Variants in PCDHGA5 observed in about 807,000 individuals in gnomAD.
PCDHGA5 encodes the protein protocadherin gamma subfamily A, 5.
Under a neutral mutation model 56.7 loss-of-function variants are expected in PCDHGA5, and 36 were observed. That is an observed-to-expected ratio of 0.64 (90% CI 0.49 to 0.84). The LOEUF (loss-of-function observed/expected upper bound fraction) is 0.84, where lower values mean the gene tolerates loss of function less well. Ranked by LOEUF, PCDHGA5 falls within the 40% of genes least tolerant of loss-of-function variation. The pLI is 0.00. For synonymous variants in PCDHGA5, 563 were observed against 520.2 expected, an observed-to-expected ratio of 1.08 and a Z score of -1.12; for missense variants, 1,305 against 1,201.5, an observed-to-expected ratio of 1.09 and a Z score of -1.27.
At chr5:141,488,932 A>G (rs2233598) in intron 1 of PCDHGA5, among the ~76,000 whole-genome samples, 31,368 of 152,090 alleles carry the variant, frequency 0.21, 3,372 homozygotes, top group Admixed American at 0.31. Flanking sequence ...GGATTGAGGA[A>G]ACTCCATAAT....
intron 1 of PCDHGA5, chr5:141,413,354 C>T: frequency 6.2e-7 from 1 of 1,613,974 alleles, no homozygotes; most frequent in South Asian, 1.1e-5. Flanking sequence ...GGTCTGGCGC[C>T]CCGGGAGCTG....
chr5:141,423,201 C>G, intron 1 of PCDHGA5: 1 of 1,613,628 alleles, frequency 6.2e-7, no homozygotes, highest in Non-Finnish European at 8.5e-7. Context: ...TCTCGGCCAC[C>G]GTCACGCTCA....
chr5:141,500,493 G>A (rs1239876467), intron 2 of PCDHGA5, among the ~76,000 whole-genome samples: 1 of 152,166 alleles, frequency 6.6e-6, no homozygotes, highest in Admixed American at 6.5e-5. Context: ...ACAGGCGTGA[G>A]CCACCGCGCC....
At chr5:141,413,993 G>A (rs756042576) in intron 1 of PCDHGA5, 2 of 1,613,486 alleles carry the variant, frequency 1.2e-6, no homozygotes, top group Non-Finnish European at 1.7e-6. Context: ...GCCACCGACA[G>A]GGACGAAGGT....
At chr5:141,437,589 T>C (rs929281293) in intron 1 of PCDHGA5, among the ~76,000 whole-genome samples, 10 of 152,306 alleles carry the variant, frequency 6.6e-5, no homozygotes, top group African/African-American at 2.2e-4. Flanking sequence ...ATGAATTGGA[T>C]AGTTCTGGTG....
Position 141,364,373 on chromosome 5 carries a change from CTGCCCT to C in PCDHGA5, c.45_50del (p.Pro16_Phe17del). ...GGGCTGGGGCTGCGGAGAGCTGCTG[CTGCCCT>C]TCATGCTCCTGGGGACGCTGTGCGA... is the stretch of plus-strand genomic sequence containing the variant. On this transcript the variant is annotated inframe_deletion, in exon 1 of 4. Transcript: ENST00000518069. 6.4e-7 allele frequency: 1 copy of C among 1,572,690 alleles called. No homozygotes were observed. Among genetic ancestry groups the C allele is most frequent in the South Asian group, 1.2e-5 (1 of 84,238 alleles).
intron 1 of PCDHGA5, chr5:141,399,778 C>A (rs187080333): frequency 6.2e-7 from 1 of 1,613,250 alleles, no homozygotes; most frequent in African/African-American, 1.3e-5. Context: ...GGTGGGCGAC[C>A]GAAACGACAA....
At chr5:141,376,318 G>C (rs373956139) in intron 1 of PCDHGA5, 6 of 1,614,200 alleles carry the variant, frequency 3.7e-6, no homozygotes, top group East Asian at 4.5e-5. Context: ...GCGTGGAAGG[G>C]GTTCGGGCTT....
chr5:141,489,944 T>A lies in PCDHGA5; in HGVS notation c.2422-4863T>A. On this transcript the variant is annotated intron_variant, in intron 1 of 3. Coordinates refer to ENST00000518069, the MANE Select transcript of PCDHGA5 (RefSeq NM_018918.3). The surrounding 1 kb of genome is among the most constrained non-coding windows in gnomAD (Gnocchi z 4.5). ...CTTATCTCTGTCATCGTGCTGGACA[T>A]CAATGATAATGCTCCAACCTTCCAA... 1 of 1,614,172 alleles carries A rather than the reference T, an allele frequency of 6.2e-7. No individual in the cohort carries two copies. The highest frequency in any genetic ancestry group is 8.5e-7 in the Non-Finnish European group (1 of 1,180,010).
intron 1 of PCDHGA5, chr5:141,371,345 T>A: frequency 6.2e-7 from 1 of 1,613,878 alleles, no homozygotes; most frequent in Non-Finnish European, 8.5e-7. Context: ...GCTACACAAT[T>A]GGGGTGGAAG....
chr5:141,389,990 C>CTCA (rs1156236363), intron 1 of PCDHGA5: 4 of 1,614,044 alleles, frequency 2.5e-6, no homozygotes, highest in Non-Finnish European at 2.5e-6. Flanking sequence ...TGCTCTTCCT[C>CTCA]GTGGCCATGA....
chr5:141,403,054 A>G, intron 1 of PCDHGA5: 6 of 1,614,062 alleles, frequency 3.7e-6, no homozygotes, highest in Non-Finnish European at 5.1e-6. Flanking sequence ...TTCGCTACTC[A>G]GTGCCTGAAG....
chr5:141,510,798 A>G, intron 3 of PCDHGA5, 149 bp from the exon 4 acceptor site: 1 of 1,474,326 alleles, frequency 6.8e-7, no homozygotes, highest in South Asian at 1.3e-5. Context: ...GTGAAGAGAG[A>G]CTACCTTGGT....
In PCDHGA5 at chr5:141,476,240, G is replaced by A. The variant is rs762604058; in HGVS notation, c.2422-18567G>A. On this transcript the variant is annotated intron_variant, in intron 1 of 3. Coordinates refer to ENST00000518069, the MANE Select transcript of PCDHGA5 (RefSeq NM_018918.3). This position sits in a 1 kb window ranked among gnomAD's most constrained non-coding sequence, Gnocchi z 7.6. ...TCACTATGAGATCCCGGAGGAAAGAGAGAAGGGTTTCGCTGTGGGCAACGT... is the reference window on the plus strand; with the variant it reads ...TCACTATGAGATCCCGGAGGAAAGAAAGAAGGGTTTCGCTGTGGGCAACGT... The A allele has an allele frequency of 4.3e-6, 7 of 1,613,986 alleles. No individual in the cohort carries two copies. The highest frequency in any genetic ancestry group is 1.7e-6 in the Non-Finnish European group (2 of 1,180,030).
chr5:141,364,370 C>G lies in PCDHGA5; in HGVS notation c.40C>G (p.Leu14Val). 6.4e-7 allele frequency: 1 copy of G among 1,570,908 alleles called. No homozygotes were observed. The highest frequency in any genetic ancestry group is 1.2e-5 in the South Asian group (1 of 83,748). ...PPRGWGCGEL[L>V]LPFMLLGTLC... is the part of the protein sequence containing the mutation. ...TAGGGGCTGGGGCTGCGGAGAGCTG[C>G]TGCTGCCCTTCATGCTCCTGGGGAC... Residue 14 changes from leucine to valine, a missense_variant, in exon 1 of 4, where the codon CTG becomes GTG. By Grantham distance (32) the Leu-to-Val change is conservative. Transcript: ENST00000518069.
chr5:141,394,624 T>A (rs542816387), intron 1 of PCDHGA5: 6 of 1,612,992 alleles, frequency 3.7e-6, no homozygotes, highest in Non-Finnish European at 5.1e-6. Flanking sequence ...AACGCCTGGC[T>A]GTCCTACCGC....
intron 1 of PCDHGA5, chr5:141,414,197 T>C: frequency 3.1e-6 from 5 of 1,611,210 alleles, no homozygotes; most frequent in Non-Finnish European, 4.2e-6. Flanking sequence ...TTGATTACAG[T>C]AGAAGATGTA....
In PCDHGA5 at chr5:141,432,700, G is replaced by C. The variant is rs1320099367; in HGVS notation, c.2422-62107G>C. 4 of 1,613,980 alleles carry C rather than the reference G, an allele frequency of 2.5e-6. No individual in the cohort carries two copies. In the Admixed American group the frequency reaches 6.7e-5, roughly 27 times the overall value. ...AGCAGAGCCTCGTAGTGGCCGTCCA[G>C]GACCACGGCCAGCCCCCTCTCTCCG... On this transcript the variant is annotated intron_variant, in intron 1 of 3. Coordinates refer to ENST00000518069, the MANE Select transcript of PCDHGA5 (RefSeq NM_018918.3). The surrounding 1 kb of genome is among the most constrained non-coding windows in gnomAD (Gnocchi z 6.0).
intron 1 of PCDHGA5, chr5:141,400,348 C>T (rs745917638): frequency 1.9e-6 from 3 of 1,614,050 alleles, no homozygotes; most frequent in South Asian, 1.1e-5. Context: ...CAACTACAGT[C>T]AGGGGACTTT....
Sources: gnomAD v4.1 joint callset for allele counts (sites outside exome capture counted in the v4.1 genomes callset) on GRCh38, gnomAD v4.1.1 for gene constraint, Gnocchi (gnomAD v3.1) non-coding constraint, MANE v1.5 for transcripts, NCBI Gene and HGNC (gene_info 2026-07-23, HGNC 2026-07-21) for gene names.